Variants in CCDC178 observed in about 807,000 individuals in gnomAD.
CCDC178 encodes coiled-coil domain containing 178.
A neutral mutation model predicts 117.4 loss-of-function variants in CCDC178; 126 were observed. The observed-to-expected ratio is 1.07, with a 90% CI of 0.93 to 1.24. CCDC178 has a LOEUF of 1.24. CCDC178 is among the 50% of genes most tolerant of loss of function. The pLI, the probability that CCDC178 is intolerant of heterozygous loss-of-function variation, is 0.00. For synonymous variants in CCDC178, 283 were observed against 313.4 expected (o/e 0.90, Z 1.02); for missense variants, 1,030 against 986.9 (o/e 1.04, Z -0.59).
intron 11 of CCDC178, among the ~76,000 whole-genome samples, chr18:33,308,780 A>T (rs1336959711): frequency 6.6e-6 from 1 of 152,180 alleles, no homozygotes; most frequent in Non-Finnish European, 1.5e-5. Flanking sequence ...TGGTTTTATA[A>T]GAGGTTTCCC....
chr18:33,308,959 A>G (rs2062297423), intron 11 of CCDC178, among the ~76,000 whole-genome samples: 1 of 152,240 alleles, frequency 6.6e-6, no homozygotes. Flanking sequence ...AGTTCTTTAT[A>G]CTAGCATGAG....
rs56111462 is a variant in CCDC178 at position 33,432,478 on chromosome 18, TACACACACACACAC to T, written c.-23+7470_-23+7483del. On this transcript the variant is annotated intron_variant, in intron 2 of 22. Transcript: ENST00000383096. ...ATATAATTCTCTCATGCCTTCTCCA[TACACACACACACAC>T]ACACACACACACACACACACACACA... Among the ~76,000 whole-genome samples, 840 of 143,392 alleles carry T rather than the reference TACACACACACACAC, an allele frequency of 5.9e-3. 5 individuals are homozygous for T. Among genetic ancestry groups the T allele is most frequent in the African/African-American group, 0.014 (540 of 38,510 alleles). 94.1% of individuals were successfully genotyped at this position (143,392 alleles called of 152,430 possible).
At chr18:33,260,988 T>A (rs1028994867) in intron 14 of CCDC178, among the ~76,000 whole-genome samples, 1 of 152,220 alleles carries the variant, frequency 6.6e-6, no homozygotes, top group African/African-American at 2.4e-5. Context: ...AAAAATGGTA[T>A]TATAATTTCC....
At chr18:33,336,053 A>AC (rs2062736290) in intron 9 of CCDC178, among the ~76,000 whole-genome samples, 1 of 152,138 alleles carries the variant, frequency 6.6e-6, no homozygotes, top group Non-Finnish European at 1.5e-5. Context: ...TCCACTTAAC[A>AC]GTTTTTAAGC....
intron 3 of CCDC178, among the ~76,000 whole-genome samples, chr18:33,406,311 T>C (rs1443726760): frequency 6.6e-6 from 1 of 152,072 alleles, no homozygotes; most frequent in African/African-American, 2.4e-5. Flanking sequence ...ATTTAAGTGA[T>C]GGGCAGAAAT....
chr18:33,069,292 G>C (rs1158125926), intron 21 of CCDC178, among the ~76,000 whole-genome samples: 1 of 152,042 alleles, frequency 6.6e-6, no homozygotes, highest in Non-Finnish European at 1.5e-5. Flanking sequence ...CTACAAAGCT[G>C]TAGTAATCAA....
rs547730332 is a variant in CCDC178, at chr18:33,419,437, G to A, written c.-22-7327C>T. On this transcript the variant is annotated intron_variant, in intron 2 of 22. Transcript: ENST00000383096. ...TTGCAACAAAAATTGACAAATGGGA[G>A]CTAATTGAACTAAAGAGATTCTGCA... 1.6e-4 allele frequency among the ~76,000 whole-genome samples: 25 copies of A among 152,234 alleles called. No individual in the cohort carries two copies. In the South Asian group the frequency reaches 3.5e-3, roughly 21 times the overall value.
intron 15 of CCDC178, among the ~76,000 whole-genome samples, chr18:33,227,552 GTGTGTATATATATATATA>G (rs2059319379): frequency 1.4e-5 from 1 of 71,152 alleles, no homozygotes; most frequent in South Asian, 7.8e-4. Flanking sequence ...GTGTGTGTGT[GTGTGTATATATATATATA>G]TATATATATA....
intron 21 of CCDC178, among the ~76,000 whole-genome samples, chr18:33,031,898 A>T (rs1227425976): frequency 1.3e-5 from 2 of 152,156 alleles, no homozygotes; most frequent in African/African-American, 4.8e-5. Context: ...GAGCAATGAG[A>T]ATAAATACTA....
At chr18:33,216,195 T>C (rs1327292235) in intron 18 of CCDC178, among the ~76,000 whole-genome samples, 1 of 152,100 alleles carries the variant, frequency 6.6e-6, no homozygotes, top group Non-Finnish European at 1.5e-5. Context: ...CTTGCTCCCC[T>C]TTCCAAACAC....
intron 21 of CCDC178, among the ~76,000 whole-genome samples, chr18:33,022,459 T>C (rs900935881): frequency 6.6e-6 from 1 of 152,174 alleles, no homozygotes; most frequent in African/African-American, 2.4e-5. Flanking sequence ...GACAATTATA[T>C]TACACATGGA....
intron 20 of CCDC178, among the ~76,000 whole-genome samples, chr18:33,210,539 C>A (rs776541594): frequency 3.3e-5 from 5 of 152,024 alleles, no homozygotes; most frequent in Non-Finnish European, 7.4e-5. Flanking sequence ...ATTATTGAGA[C>A]CCCACTGTGT....
chr18:33,266,189 A>C (rs1020709101), intron 14 of CCDC178, among the ~76,000 whole-genome samples: 11 of 152,008 alleles, frequency 7.2e-5, no homozygotes, highest in Admixed American at 5.3e-4. Flanking sequence ...GACAATTCAT[A>C]AGTTTTAAAT....
chr18:33,284,959 T>C (rs1037216393), intron 12 of CCDC178, among the ~76,000 whole-genome samples: 1 of 149,790 alleles, frequency 6.7e-6, no homozygotes, highest in Admixed American at 6.7e-5. Flanking sequence ...ACATTAAACA[T>C]GAAAAACAGG....
intron 15 of CCDC178, among the ~76,000 whole-genome samples, chr18:33,234,552 G>C (rs535036307): frequency 2.6e-5 from 4 of 152,068 alleles, no homozygotes; most frequent in Non-Finnish European, 5.9e-5. Flanking sequence ...AAATAAGAAA[G>C]TGTAGGGAAC....
chr18:33,005,276 T>C (rs1179710012), intron 21 of CCDC178, among the ~76,000 whole-genome samples: 1 of 152,080 alleles, frequency 6.6e-6, no homozygotes, highest in Non-Finnish European at 1.5e-5. Flanking sequence ...TGGAGTACTA[T>C]TTAGCCACAA....
chr18:33,265,323 T>C (rs1001581341), intron 14 of CCDC178, among the ~76,000 whole-genome samples: 2 of 152,060 alleles, frequency 1.3e-5, no homozygotes, highest in South Asian at 2.1e-4. Context: ...TCTGACCTCA[T>C]GGATCTTCCC....
chr18:33,043,800 A>T (rs543624334), intron 21 of CCDC178, among the ~76,000 whole-genome samples: 41 of 152,022 alleles, frequency 2.7e-4, no homozygotes, highest in African/African-American at 8.2e-4. Flanking sequence ...TATGTAAATG[A>T]TTTTTTAAAA....
At chr18:32,976,437 T>G (rs2055029806) in intron 21 of CCDC178, among the ~76,000 whole-genome samples, 2 of 152,232 alleles carry the variant, frequency 1.3e-5, no homozygotes, top group Middle Eastern at 6.8e-3. Flanking sequence ...GAGGTAGCAC[T>G]AGCCCTGTAT....
Sources: gnomAD v4.1 joint callset for allele counts (sites outside exome capture counted in the v4.1 genomes callset) on GRCh38, gnomAD v4.1.1 for gene constraint, MANE v1.5 for transcripts, NCBI Gene and HGNC (gene_info 2026-07-23, HGNC 2026-07-21) for gene names.